The following R3HDM2 variants were observed in gnomAD, a reference collection of about 807,000 sequenced individuals.
R3HDM2 encodes the protein R3H domain-containing protein 2.
Under a neutral mutation model 124.5 loss-of-function variants are expected in R3HDM2, and 38 were observed. The observed-to-expected ratio is 0.31, with a 90% confidence interval of 0.24 to 0.40. R3HDM2 has a LOEUF of 0.40. Ranked by LOEUF, R3HDM2 falls within the 10% of genes least tolerant of loss-of-function variation. The pLI is 1.00. For synonymous variants in R3HDM2, 391 were observed against 448.0 expected (o/e 0.87, Z 1.61); for missense variants, 869 against 1,236.9 (o/e 0.70, Z 4.46).
chr12:57,305,757 G>A (rs893724014), intron 3 of R3HDM2: 44 of 396,952 alleles, frequency 1.1e-4, no homozygotes, highest in Middle Eastern at 6.3e-4. Flanking sequence ...CAGCAGAAGC[G>A]TCTGACTCAG....
At chr12:57,361,167 C>T (rs1269609946) in intron 2 of R3HDM2, among the ~76,000 whole-genome samples, 6 of 150,950 alleles carry the variant, frequency 4.0e-5, no homozygotes, top group South Asian at 4.2e-4. Context: ...CCTGAGGTCG[C>T]GAGTTTGAGA....
In R3HDM2 at chr12:57,280,341, ACT is replaced by A. The variant is rs2045842574; in HGVS notation, c.1344+15_1344+16del. The A allele has an allele frequency of 6.2e-7, 1 of 1,608,786 alleles. No homozygotes were observed. Among genetic ancestry groups the A allele is most frequent in the Non-Finnish European group, 8.5e-7 (1 of 1,176,942 alleles). ...GAATCAGAGTGGAGAGGACTCTGAC[ACT>A]GAGTGGTGACTCACCTGTGAGATCA... is the stretch of plus-strand genomic sequence containing the variant. On this transcript the variant is annotated intron_variant, in intron 14 of 23. Coordinates refer to ENST00000402412, the MANE Select transcript of R3HDM2 (RefSeq NM_001394031.1).
At chr12:57,275,301 C>A (rs1555217726) in intron 14 of R3HDM2, among the ~76,000 whole-genome samples, 1 of 152,040 alleles carries the variant, frequency 6.6e-6, no homozygotes, top group Non-Finnish European at 1.5e-5. Flanking sequence ...CATCTCTCAC[C>A]TTATACAAAA....
chr12:57,332,410 CAAAAAAAAA>C (rs10653446), intron 2 of R3HDM2, among the ~76,000 whole-genome samples: 1 of 60,706 alleles, frequency 1.6e-5, no homozygotes, highest in East Asian at 6.1e-4. Flanking sequence ...GACCCTGTCT[CAAAAAAAAA>C]AAAAAAAAAA....
At chr12:57,357,644 A>AT (rs35477289) in intron 2 of R3HDM2, among the ~76,000 whole-genome samples, 15,165 of 127,240 alleles carry the variant, frequency 0.12, 1,438 homozygotes, top group African/African-American at 0.27. Context: ...AGTTTTGCTG[A>AT]TTTTTTTTTT....
At chr12:57,258,829 T>A in intron 20 of R3HDM2, 61 bp downstream of exon 20, 1 of 1,398,818 alleles carries the variant, frequency 7.1e-7, no homozygotes, top group Non-Finnish European at 9.4e-7. Context: ...ATAGCAAACA[T>A]TGCGCCCCGG....
At chr12:57,417,315 C>T (rs574379990) in intron 1 of R3HDM2, among the ~76,000 whole-genome samples, 59 of 150,296 alleles carry the variant, frequency 3.9e-4, no homozygotes, top group Admixed American at 6.6e-4. Context: ...AGCCCAGGAA[C>T]CGGATGTTGC....
Position 57,314,047 on chromosome 12 carries a change from G to A in R3HDM2, c.-35-3584C>T, listed in dbSNP as rs180900456. 5.0e-4 allele frequency among the ~76,000 whole-genome samples: 74 copies of A among 148,282 alleles called. 1 individual carries two copies. In the East Asian group the frequency reaches 9.4e-3, roughly 19 times the overall value. On this transcript the variant is annotated intron_variant, in intron 2 of 23. Coordinates refer to ENST00000402412, the MANE Select transcript of R3HDM2 (RefSeq NM_001394031.1). ...CTACTAAAAATACAAAATTAGCCAG[G>A]TGTGGTGGTGCATGCCTATAATCCC...
chr12:57,268,558 C>T (rs2042958908), intron 17 of R3HDM2, 101 bp from the exon 18 acceptor site: 1 of 1,236,718 alleles, frequency 8.1e-7, no homozygotes, highest in Non-Finnish European at 1.1e-6. Context: ...CAACTTCCTT[C>T]CCTACCTTAG....
chr12:57,365,248 A>G (rs1316329831), intron 2 of R3HDM2, among the ~76,000 whole-genome samples: 1 of 151,246 alleles, frequency 6.6e-6, no homozygotes, highest in Admixed American at 6.6e-5. Flanking sequence ...TGGGTGACAG[A>G]GTGAGACTCT....
rs2051638671 is a variant in R3HDM2 at position 57,303,096 on chromosome 12, A to C, written c.207+80T>G. On this transcript the variant is annotated intron_variant, in intron 4 of 23. Coordinates refer to ENST00000402412, the MANE Select transcript of R3HDM2 (RefSeq NM_001394031.1). ...AAACTCTGCCTACATAATTTGAACA[A>C]ACTAGATATTCATGACAAGTCTACT... is the stretch of plus-strand genomic sequence containing the variant. 9.1e-6 allele frequency: 12 copies of C among 1,315,214 alleles called. No individual in the cohort carries two copies. The South Asian group carries it at 1.0e-4, about 11-fold the overall frequency. 81.5% of individuals were successfully genotyped at this position (1,315,214 alleles called of 1,614,324 possible). A position where few individuals can be genotyped will look rare whatever the true frequency, so the allele number is the denominator to read the frequency against.
intron 2 of R3HDM2, among the ~76,000 whole-genome samples, chr12:57,339,315 G>A (rs970000943): frequency 1.6e-4 from 24 of 152,250 alleles, no homozygotes; most frequent in Admixed American, 1.3e-3. Context: ...AAATGGAGAC[G>A]TTAAATAATT....
intron 1 of R3HDM2, among the ~76,000 whole-genome samples, chr12:57,406,310 A>T (rs1329435418): frequency 6.6e-6 from 1 of 150,616 alleles, no homozygotes; most frequent in Non-Finnish European, 1.5e-5. Flanking sequence ...AACAAGAGCG[A>T]AACTCCGTCT....
chr12:57,386,735 G>T (rs1469422851), intron 2 of R3HDM2, among the ~76,000 whole-genome samples: 1 of 152,246 alleles, frequency 6.6e-6, no homozygotes, highest in Non-Finnish European at 1.5e-5. Flanking sequence ...GGGCTCCTAA[G>T]TCTGGTGGGG....
chr12:57,308,972 G>A (rs2053342578), intron 3 of R3HDM2, among the ~76,000 whole-genome samples: 2 of 152,190 alleles, frequency 1.3e-5, no homozygotes, highest in South Asian at 4.1e-4. Context: ...AGAATGGGCA[G>A]GGAATGACAA....
intron 2 of R3HDM2, among the ~76,000 whole-genome samples, chr12:57,381,880 T>C (rs762727481): frequency 2.6e-5 from 4 of 151,954 alleles, no homozygotes; most frequent in Non-Finnish European, 4.4e-5. Flanking sequence ...TGTAGTGGTA[T>C]AATCATGACT....
At chr12:57,317,781 C>A (rs1412315795) in intron 2 of R3HDM2, among the ~76,000 whole-genome samples, 1 of 151,682 alleles carries the variant, frequency 6.6e-6, no homozygotes, top group Non-Finnish European at 1.5e-5. Flanking sequence ...TCGAGTCCAG[C>A]CTGGCCAGCA....
chr12:57,272,159 C>T (rs1423542496), intron 14 of R3HDM2, among the ~76,000 whole-genome samples: 1 of 152,168 alleles, frequency 6.6e-6, no homozygotes, highest in African/African-American at 2.4e-5. Context: ...TTAGGATGTA[C>T]ATCGTAGAGA....
intron 19 of R3HDM2, among the ~76,000 whole-genome samples, chr12:57,265,652 G>A (rs1043530549): frequency 6.6e-6 from 1 of 152,220 alleles, no homozygotes; most frequent in Non-Finnish European, 1.5e-5. Context: ...TAGAGACAGG[G>A]TCCCACTCCC....
Sources: allele counts gnomAD v4.1 joint callset (sites outside exome capture counted in the v4.1 genomes callset), GRCh38; gene constraint gnomAD v4.1.1; transcripts MANE v1.5; gene names NCBI Gene and HGNC (gene_info 2026-07-23, HGNC 2026-07-21).